The following GLOD5 variants were observed in gnomAD, a reference collection of about 807,000 sequenced individuals.
GLOD5 encodes glyoxalase domain-containing protein 5.
GLOD5 carries 7 observed loss-of-function variants against 9.9 expected under a neutral mutation model. That is an observed-to-expected ratio of 0.71 (90% CI 0.40 to 1.33). The LOEUF (loss-of-function observed/expected upper bound fraction) is 1.33. GLOD5 is among the 40% of genes most tolerant of loss of function. The probability of loss-of-function intolerance (pLI) is 0.01; values close to 1 mark genes in which losing one functional copy is unlikely to be tolerated. For synonymous variants in GLOD5, 49 were observed against 47.3 expected (o/e 1.04, Z -0.14); for missense variants, 146 against 128.4 (o/e 1.14, Z -0.66).
chrX:48,766,333 G>A, intron 2 of GLOD5: 5 of 125,570 alleles, frequency 4.0e-5, no homozygotes, highest in Admixed American at 1.7e-4. Flanking sequence ...ATCTACAAAG[G>A]AAAAAAAAAC....
chrX:48,766,205 G>C, intron 2 of GLOD5: 4 of 340,962 alleles, frequency 1.2e-5, no homozygotes. Context: ...TCTCTACATG[G>C]AAAAGGTTAA....
chrX:48,770,943 T>TG lies in GLOD5; in HGVS notation c.219dup (p.Cys74ValfsTer8). On this transcript the variant is annotated frameshift_variant, in exon 3 of 4. Transcript: ENST00000303227. LOFTEE classifies it high-confidence loss of function. ...ACCAAGTAGGAAGACCGGAAAGCAC[T>TG]GTGTTTTGGAGACCAGAAATTTAAC... 8.4e-7 allele frequency: 1 copy of TG among 1,191,595 alleles called. No individual in the cohort carries two copies. The highest frequency in any genetic ancestry group is 3.0e-5 in the East Asian group (1 of 32,987).
At chrX:48,769,561 GGTTA>G (rs2062617200) in intron 2 of GLOD5, among the ~76,000 whole-genome samples, 1 of 110,728 alleles carries the variant, frequency 9.0e-6, no homozygotes, top group Admixed American at 9.7e-5. Flanking sequence ...CATGCAAATG[GGTTA>G]GTTAAAAATT....
chrX:48,773,279 G>A (rs1557017640), intron 3 of GLOD5, 31 bp from the exon 4 acceptor site: 4 of 1,204,636 alleles, frequency 3.3e-6, no homozygotes, highest in Non-Finnish European at 3.4e-6. Flanking sequence ...ACATTTTGAC[G>A]AACGACTTTT....
chrX:48,772,389 A>G (rs988069707), intron 3 of GLOD5, among the ~76,000 whole-genome samples: 18 of 110,301 alleles, frequency 1.6e-4, no homozygotes, highest in African/African-American at 6.0e-4. Flanking sequence ...TACAAAAAAA[A>G]ATTAGCCAGA....
At chrX:48,773,229 C>CA (rs374553814) in intron 3 of GLOD5, 81 bp from the exon 4 acceptor site, 76,526 of 794,205 alleles carry the variant, frequency 0.096, 2 homozygotes, top group Non-Finnish European at 0.11. Context: ...GACTCTGTCA[C>CA]AAAAAAAAAA....
At chrX:48,773,232 A>G (rs1369365473) in intron 3 of GLOD5, 78 bp from the exon 4 acceptor site, 3 of 981,504 alleles carry the variant, frequency 3.1e-6, no homozygotes, top group African/African-American at 4.0e-5. Flanking sequence ...TCTGTCACAA[A>G]AAAAAAAAAA....
rs1484116271 is a variant in GLOD5, at chrX:48,773,389, AC to A, written c.441del (p.Asp148ThrfsTer4). 1.7e-6 allele frequency: 2 copies of A among 1,207,275 alleles called. No individual in the cohort carries two copies. The highest frequency in any genetic ancestry group is 3.5e-5 in the African/African-American group (2 of 56,473). On this transcript the variant is annotated frameshift_variant, in exon 4 of 4. Transcript: ENST00000303227. LOFTEE classifies it high-confidence loss of function. ...KGPIMSIYFR[D>X]PDRNLIEVSN... ...CCTATCATGTCCATCTACTTCCGAG[AC>A]CCCGACAGAAATCTGATTGAGGTGT... is the stretch of plus-strand genomic sequence containing the variant.
chrX:48,767,037 T>C (rs1557016813), intron 2 of GLOD5, among the ~76,000 whole-genome samples: 2 of 79,646 alleles, frequency 2.5e-5, no homozygotes, highest in African/African-American at 9.3e-5. Context: ...TCTGGGAATA[T>C]GGAAGACATG....
chrX:48,762,716 C>T (rs1413553490), intron 1 of GLOD5, among the ~76,000 whole-genome samples: 2 of 111,432 alleles, frequency 1.8e-5, no homozygotes, highest in Admixed American at 9.6e-5. Flanking sequence ...GGATTACAGA[C>T]GTGAGCCACT....
intron 2 of GLOD5, chrX:48,766,270 T>A: frequency 4.8e-6 from 1 of 208,911 alleles, no homozygotes; most frequent in Non-Finnish European, 8.6e-6. Flanking sequence ...TTATAGAACA[T>A]CAAACTGAAA....
intron 2 of GLOD5, among the ~76,000 whole-genome samples, chrX:48,769,396 A>T (rs1161383984): frequency 3.7e-5 from 4 of 106,850 alleles, no homozygotes; most frequent in Non-Finnish European, 7.8e-5. Flanking sequence ...CGCACCTATA[A>T]TGGAATCCCA....
chrX:48,772,620 C>T, intron 3 of GLOD5, among the ~76,000 whole-genome samples: 1 of 111,291 alleles, frequency 9.0e-6, no homozygotes, highest in East Asian at 2.8e-4. Flanking sequence ...GTGCAAATAA[C>T]CTAGACTCCT....
At chrX:48,763,442 G>A (rs2062601296) in intron 1 of GLOD5, among the ~76,000 whole-genome samples, 2 of 111,671 alleles carry the variant, frequency 1.8e-5, no homozygotes, top group Non-Finnish European at 3.8e-5. Context: ...CACTCTGGGA[G>A]GCTGAGGAGG....
At chrX:48,765,791 C>A (rs2062607649) in intron 1 of GLOD5, 44 bp from the exon 2 acceptor site, 1 of 1,181,036 alleles carries the variant, frequency 8.5e-7, no homozygotes, top group Admixed American at 2.4e-5. Context: ...CAGGCGTTGA[C>A]AAGTGGCAAT....
rs1212865663 is a variant in GLOD5, at chrX:48,771,839, T to G, written c.357+757T>G. ...ACTAAGAACTTGTTAGCATCCACCT[T>G]CTATGTGTAAAAAGAAGGACTGAAA... On this transcript the variant is annotated intron_variant, in intron 3 of 3. Coordinates refer to ENST00000303227, the MANE Select transcript of GLOD5 (RefSeq NM_001080489.3). Among the ~76,000 whole-genome samples, 4 of 111,829 alleles carry G rather than the reference T, an allele frequency of 3.6e-5. No homozygotes were observed. In the East Asian group the frequency reaches 1.1e-3, roughly 31 times the overall value.
intron 1 of GLOD5, among the ~76,000 whole-genome samples, chrX:48,762,661 T>C (rs1280198764): frequency 1.8e-5 from 2 of 110,902 alleles, no homozygotes; most frequent in African/African-American, 6.6e-5. Flanking sequence ...GGTCTCAAAC[T>C]CCTGACCTCA....
chrX:48,771,105 T>C (rs1557017337), intron 3 of GLOD5, 23 bp downstream of exon 3: 1 of 1,129,738 alleles, frequency 8.9e-7, no homozygotes, highest in Non-Finnish European at 1.2e-6. Flanking sequence ...TCTCTTCTTT[T>C]TGCAAAAGCT....
chrX:48,767,627 A>G (rs914150733), intron 2 of GLOD5, among the ~76,000 whole-genome samples: 15 of 111,516 alleles, frequency 1.3e-4, no homozygotes, highest in African/African-American at 4.6e-4. Flanking sequence ...GGAGAATCAC[A>G]TGAACCCAGG....
Sources: allele counts gnomAD v4.1 joint callset (sites outside exome capture counted in the v4.1 genomes callset), GRCh38; gene constraint gnomAD v4.1.1; transcripts MANE v1.5; gene names NCBI Gene and HGNC (gene_info 2026-07-23, HGNC 2026-07-21).